Variants in SMYD3 observed in about 807,000 individuals in gnomAD.
SMYD3 encodes SET and MYND domain containing 3.
In SMYD3, 36 loss-of-function variants were observed where a neutral mutation model predicts 57.7. The ratio of observed to expected loss-of-function variants is 0.62; its 90% CI spans 0.48 to 0.82. SMYD3 has a LOEUF of 0.82. Among genes scored for constraint, SMYD3 ranks in the 40% least tolerant of loss-of-function variants. The pLI is 0.00. For missense variants in SMYD3, 515 were observed against 538.8 expected (o/e 0.96, Z 0.44); for synonymous variants, 211 against 195.0 (o/e 1.08, Z -0.68).
intron 5 of SMYD3, among the ~76,000 whole-genome samples, chr1:246,145,127 G>A (rs1558266184): frequency 6.6e-6 from 1 of 152,146 alleles, no homozygotes; most frequent in Non-Finnish European, 1.5e-5. Flanking sequence ...CTGGGCTCAT[G>A]GGATCCTTCT....
intron 10 of SMYD3, among the ~76,000 whole-genome samples, chr1:245,776,879 C>G (rs536962123): frequency 2.0e-5 from 3 of 152,172 alleles, no homozygotes; most frequent in Admixed American, 1.3e-4. Flanking sequence ...AATAAGGTTT[C>G]GTTGGGACAC....
Position 246,260,687 on chromosome 1 carries a change from T to C in SMYD3, c.531+66514A>G, listed in dbSNP as rs571431941. On this transcript the variant is annotated intron_variant, in intron 5 of 11. Coordinates refer to ENST00000490107, the MANE Select transcript of SMYD3 (RefSeq NM_001167740.2). ...ACCTCGTGATCCACCCGCCTCAGCC[T>C]CCCAAAGTGCTAGATTACCAGGCGT... Among the ~76,000 whole-genome samples the C allele has an allele frequency of 6.6e-5, 10 of 152,194 alleles. No homozygotes were observed. In the South Asian group the frequency reaches 2.1e-3, roughly 32 times the overall value.
At chr1:246,081,804 A>T (rs186234705) in intron 5 of SMYD3, among the ~76,000 whole-genome samples, 13 of 152,336 alleles carry the variant, frequency 8.5e-5, no homozygotes, top group Admixed American at 7.8e-4. Flanking sequence ...CATACCTGTA[A>T]TCCTGGCACT....
At chr1:245,786,123 T>C (rs2148161029) in intron 10 of SMYD3, among the ~76,000 whole-genome samples, 1 of 129,460 alleles carries the variant, frequency 7.7e-6, no homozygotes, top group South Asian at 2.8e-4. Context: ...AGATACTAGA[T>C]ACTACAACTA....
At chr1:246,241,320 G>A (rs554448074) in intron 5 of SMYD3, among the ~76,000 whole-genome samples, 36 of 152,248 alleles carry the variant, frequency 2.4e-4, no homozygotes, top group East Asian at 1.2e-3. Flanking sequence ...GAATTTTGTC[G>A]AAGGCCTTTT....
At chr1:246,447,106 A>G (rs532694204) in intron 1 of SMYD3, among the ~76,000 whole-genome samples, 3 of 152,270 alleles carry the variant, frequency 2.0e-5, no homozygotes, top group South Asian at 2.1e-4. Context: ...ATTTTAAACT[A>G]TATAGCTTTC....
At chr1:246,003,477 T>C (rs2059116176) in intron 5 of SMYD3, among the ~76,000 whole-genome samples, 1 of 152,248 alleles carries the variant, frequency 6.6e-6, no homozygotes, top group Non-Finnish European at 1.5e-5. Context: ...TGTTACGTCC[T>C]ATGGATTATC....
intron 5 of SMYD3, among the ~76,000 whole-genome samples, chr1:246,006,447 C>T (rs12731681): frequency 0.44 from 66,448 of 151,994 alleles, 17,671 homozygotes; most frequent in Non-Finnish European, 0.6. Flanking sequence ...GTTTCCCAGA[C>T]GGAACTCCTG....
intron 5 of SMYD3, among the ~76,000 whole-genome samples, chr1:246,309,165 TA>T (rs920723053): frequency 1.3e-5 from 2 of 152,074 alleles, no homozygotes; most frequent in African/African-American, 4.8e-5. Context: ...AAAAAAAAGT[TA>T]AAAAAAGCTT....
At chr1:246,011,813 C>T (rs749025708) in intron 5 of SMYD3, among the ~76,000 whole-genome samples, 3 of 152,204 alleles carry the variant, frequency 2.0e-5, no homozygotes, top group Non-Finnish European at 4.4e-5. Flanking sequence ...TTTACGCTTG[C>T]TCCACTACAC....
chr1:245,798,456 A>G lies in SMYD3; in HGVS notation c.1077-34307T>C, dbSNP rs1040150791. ...CACATACACACACATAAAAATATGC[A>G]CACACATACACACACATACACAACA... On this transcript the variant is annotated intron_variant, in intron 10 of 11. Coordinates refer to ENST00000490107, the MANE Select transcript of SMYD3 (RefSeq NM_001167740.2). Among the ~76,000 whole-genome samples the G allele has an allele frequency of 3.1e-3, 244 of 78,014 alleles. 1 individual carries two copies. Among genetic ancestry groups the G allele is most frequent in the African/African-American group, 0.022 (230 of 10,640 alleles). 51.2% of individuals were successfully genotyped at this position (78,014 alleles called of 152,430 possible).
intron 5 of SMYD3, 38 bp downstream of exon 5, chr1:246,327,163 G>A: frequency 6.2e-7 from 1 of 1,610,982 alleles, no homozygotes; most frequent in Non-Finnish European, 8.5e-7. Context: ...GCAAATGGTT[G>A]ATGTATGGAA....
At chr1:246,101,208 A>AT (rs1252994574) in intron 5 of SMYD3, among the ~76,000 whole-genome samples, 2 of 150,996 alleles carry the variant, frequency 1.3e-5, no homozygotes, top group South Asian at 4.2e-4. Context: ...GCCAAATATA[A>AT]TTTTTTATGT....
rs555073032 is a variant in SMYD3 at position 246,106,458 on chromosome 1, T to C, written c.532-176521A>G. ...AAAGGGAGTGCAAAATTATCATGAT[T>C]TTTAAACAGCAAGGCGAGTAAACTG... is the stretch of plus-strand genomic sequence containing the variant. On this transcript the variant is annotated intron_variant, in intron 5 of 11. Coordinates refer to ENST00000490107, the MANE Select transcript of SMYD3 (RefSeq NM_001167740.2). Among the ~76,000 whole-genome samples, 3 of 151,764 alleles carry C rather than the reference T, an allele frequency of 2.0e-5. No homozygotes were observed. The South Asian group carries it at 6.3e-4, about 32-fold the overall frequency.
chr1:246,050,842 T>C (rs1205757452), intron 5 of SMYD3, among the ~76,000 whole-genome samples: 1 of 152,202 alleles, frequency 6.6e-6, no homozygotes, highest in Non-Finnish European at 1.5e-5. Context: ...TTCCACCTAA[T>C]ATTAACTATC....
At chr1:246,006,887 AC>A in intron 5 of SMYD3, among the ~76,000 whole-genome samples, 1 of 152,296 alleles carries the variant, frequency 6.6e-6, no homozygotes, top group Non-Finnish European at 1.5e-5. Context: ...AAACATGAAA[AC>A]CAATTAGCAC....
intron 5 of SMYD3, among the ~76,000 whole-genome samples, chr1:246,008,097 G>A (rs2059208192): frequency 6.6e-6 from 1 of 152,130 alleles, no homozygotes; most frequent in Non-Finnish European, 1.5e-5. Context: ...AGGTCCTAAT[G>A]GTATCACAAG....
chr1:245,793,428 G>A (rs1002661578), intron 10 of SMYD3, among the ~76,000 whole-genome samples: 1 of 152,158 alleles, frequency 6.6e-6, no homozygotes, highest in Non-Finnish European at 1.5e-5. Flanking sequence ...GCATGGCGGG[G>A]CAGGAATGAA....
intron 2 of SMYD3, among the ~76,000 whole-genome samples, chr1:246,345,461 G>A (rs1249957788): frequency 6.6e-6 from 1 of 152,088 alleles, no homozygotes; most frequent in Non-Finnish European, 1.5e-5. Flanking sequence ...TTCAGGTTTT[G>A]GATTTCTTTG....
Sources: gnomAD v4.1 joint callset for allele counts (sites outside exome capture counted in the v4.1 genomes callset) on GRCh38, gnomAD v4.1.1 for gene constraint, MANE v1.5 for transcripts, NCBI Gene and HGNC (gene_info 2026-07-23, HGNC 2026-07-21) for gene names.